GPRASP3: variants seen among roughly 807,000 people sequenced by gnomAD.
The protein encoded by GPRASP3 is G protein-coupled receptor associated sorting protein 3.
chrX:102,739,680 C>T, the GPRASP3 span, among the ~76,000 whole-genome samples: 1 of 111,422 alleles, frequency 9.0e-6, no homozygotes, highest in Non-Finnish European at 1.9e-5. Flanking sequence ...TAAAAGCCAT[C>T]AGAAAACTTA....
chrX:102,741,207 C>A, the GPRASP3 span, among the ~76,000 whole-genome samples: 172 of 111,936 alleles, frequency 1.5e-3, no homozygotes, highest in African/African-American at 5.0e-3. Context: ...GGCTTTAGAA[C>A]AGGATAGAAA....
chrX:102,732,258 T>G, the GPRASP3 span, among the ~76,000 whole-genome samples: 1 of 111,998 alleles, frequency 8.9e-6, no homozygotes, highest in South Asian at 3.7e-4. Context: ...GTTCAGTGGG[T>G]CTTGGACTCT....
the GPRASP3 span, among the ~76,000 whole-genome samples, chrX:102,732,155 C>A: frequency 0.048 from 5,349 of 111,438 alleles, 131 homozygotes; most frequent in Non-Finnish European, 0.071. Context: ...GTAACATTCC[C>A]CCCTCAAGAG....
At chrX:102,743,703 G>A in the GPRASP3 span, among the ~76,000 whole-genome samples, 8,550 of 107,243 alleles carry the variant, frequency 0.08, 324 homozygotes, top group East Asian at 0.22. Context: ...TAGTTTGGGG[G>A]AAATCATGGG....
the GPRASP3 span, among the ~76,000 whole-genome samples, chrX:102,746,594 A>T: frequency 1.8e-5 from 2 of 111,924 alleles, no homozygotes; most frequent in Non-Finnish European, 3.8e-5. Context: ...AGCCCACGAG[A>T]GGTGGGCCGC....
chrX:102,731,675 G>A, the GPRASP3 span, among the ~76,000 whole-genome samples: 6 of 110,541 alleles, frequency 5.4e-5, no homozygotes, highest in African/African-American at 2.0e-4. Flanking sequence ...AGGGGAGTAC[G>A]CTTGGAAGAG....
the GPRASP3 span, chrX:102,747,993 G>A: frequency 8.9e-6 from 1 of 111,925 alleles, no homozygotes; most frequent in Non-Finnish European, 1.9e-5. Flanking sequence ...TCATATCTTG[G>A]TGCCACTGTC....
chrX:102,721,618 G>T, the GPRASP3 span, among the ~76,000 whole-genome samples: 1 of 111,030 alleles, frequency 9.0e-6, no homozygotes, highest in South Asian at 3.9e-4. Context: ...GACCCCCAAG[G>T]GGATTCCTGG....
At chrX:102,743,680 G>A in the GPRASP3 span, among the ~76,000 whole-genome samples, 2 of 108,105 alleles carry the variant, frequency 1.9e-5, no homozygotes, top group Non-Finnish European at 3.8e-5. Flanking sequence ...TGGGGGCTAG[G>A]GTTTTTCAAA....
chrX:102,723,489 C>T, the GPRASP3 span, among the ~76,000 whole-genome samples: 1 of 111,679 alleles, frequency 9.0e-6, no homozygotes, highest in South Asian at 3.8e-4. Context: ...GTACTGGGGC[C>T]AGCATTCAGC....
At chrX:102,732,057 G>T in the GPRASP3 span, among the ~76,000 whole-genome samples, 1 of 112,006 alleles carries the variant, frequency 8.9e-6, no homozygotes, top group Non-Finnish European at 1.9e-5. Context: ...CTTTTAAAGA[G>T]GCAATGGGAT....
the GPRASP3 span, among the ~76,000 whole-genome samples, chrX:102,728,961 T>G: frequency 2.7e-5 from 3 of 112,225 alleles, no homozygotes; most frequent in Non-Finnish European, 5.6e-5. Context: ...CACAGCCTAT[T>G]TCTTCTTTCA....
the GPRASP3 span, among the ~76,000 whole-genome samples, chrX:102,742,554 C>CA: frequency 3.6e-5 from 4 of 111,948 alleles, no homozygotes; most frequent in Admixed American, 9.4e-5. Flanking sequence ...AGTAAAACTC[C>CA]AAAAAAATAA....
At chrX:102,723,759 T>C in the GPRASP3 span, among the ~76,000 whole-genome samples, 1 of 111,554 alleles carries the variant, frequency 9.0e-6, no homozygotes, top group Non-Finnish European at 1.9e-5. Flanking sequence ...AACCATGTGA[T>C]TAAAGGGTTG....
At chrX:102,749,764 T>G in the GPRASP3 span, 1 of 1,211,909 alleles carries the variant, frequency 8.3e-7, no homozygotes, top group African/African-American at 1.7e-5. Flanking sequence ...AGAAAATGCC[T>G]GTTCTTTGCC....
the GPRASP3 span, among the ~76,000 whole-genome samples, chrX:102,723,509 T>G: frequency 8.9e-6 from 1 of 112,059 alleles, no homozygotes; most frequent in African/African-American, 3.2e-5. Context: ...CTTATGGTTT[T>G]CTACTCAAGC....
At chrX:102,749,471 G>A in the GPRASP3 span, 1 of 1,211,909 alleles carries the variant, frequency 8.3e-7, no homozygotes, top group Non-Finnish European at 1.1e-6. Flanking sequence ...GGGGCCGATT[G>A]CAAACCTAGG....
chrX:102,745,684 G>C, the GPRASP3 span, among the ~76,000 whole-genome samples: 2 of 111,500 alleles, frequency 1.8e-5, no homozygotes, highest in South Asian at 3.8e-4. Context: ...CCAAGGGGCG[G>C]TTTGGTATCC....
the GPRASP3 span, among the ~76,000 whole-genome samples, chrX:102,739,718 C>G: frequency 9.0e-6 from 1 of 111,590 alleles, no homozygotes; most frequent in Non-Finnish European, 1.9e-5. Context: ...GAACAAAATG[C>G]ACATGATGAG....
Sources: gnomAD v4.1 joint callset for allele counts (sites outside exome capture counted in the v4.1 genomes callset) on GRCh38, gnomAD v4.1.1 for gene constraint, MANE v1.5 for transcripts, NCBI Gene and HGNC (gene_info 2026-07-23, HGNC 2026-07-21) for gene names.